The following ACTR3C variants were observed in gnomAD, a reference collection of about 807,000 sequenced individuals.
ACTR3C encodes actin-related protein 3C.
In ACTR3C, 18 loss-of-function variants were observed where a neutral mutation model predicts 26.3. The ratio of observed to expected loss-of-function variants is 0.68; its 90% CI spans 0.47 to 1.01. The LOEUF is 1.01. ACTR3C is among the 50% of genes least tolerant of loss of function. The pLI is 0.00. For synonymous variants in ACTR3C, 55 were observed against 94.5 expected (o/e 0.58, Z 2.42); for missense variants, 184 against 250.7 (o/e 0.73, Z 1.80).
the ACTR3C span, among the ~76,000 whole-genome samples, chr7:150,064,229 A>T: frequency 6.8e-6 from 1 of 147,900 alleles, no homozygotes; most frequent in Non-Finnish European, 1.5e-5. Flanking sequence ...TAAGCAAGAC[A>T]TTTGAAGCTC....
chr7:150,299,337 G>A (rs1394740921), intron 1 of ACTR3C, among the ~76,000 whole-genome samples: 3 of 151,288 alleles, frequency 2.0e-5, no homozygotes, highest in African/African-American at 7.3e-5. Context: ...TGTAGTCCCA[G>A]CTACTCAGGA....
the ACTR3C span, among the ~76,000 whole-genome samples, chr7:150,037,808 G>T: frequency 1.9e-5 from 1 of 52,498 alleles, no homozygotes; most frequent in Non-Finnish European, 5.0e-5. Context: ...GCCAGCGGGG[G>T]AAGAGGGACT....
At chr7:150,273,981 T>C (rs1370373108) in intron 6 of ACTR3C, among the ~76,000 whole-genome samples, 1 of 152,168 alleles carries the variant, frequency 6.6e-6, no homozygotes, top group African/African-American at 2.4e-5. Context: ...GCCAGGAGTG[T>C]TCTAAGCACC....
the ACTR3C span, among the ~76,000 whole-genome samples, chr7:150,017,518 A>G: frequency 6.7e-6 from 1 of 150,258 alleles, no homozygotes; most frequent in Non-Finnish European, 1.5e-5. Flanking sequence ...TAGGTAGCGC[A>G]GGTGGGCCAG....
chr7:150,271,024 C>A (rs919266281), intron 6 of ACTR3C, among the ~76,000 whole-genome samples: 2 of 151,004 alleles, frequency 1.3e-5, no homozygotes, highest in African/African-American at 4.9e-5. Context: ...CACAGCATGT[C>A]TCCCCAGGAC....
chr7:150,209,700 G>A, the ACTR3C span, among the ~76,000 whole-genome samples: 20 of 145,238 alleles, frequency 1.4e-4, no homozygotes, highest in Admixed American at 8.4e-4. Flanking sequence ...CCAACATGGT[G>A]AAACCCCACC....
At chr7:150,036,953 C>A in the ACTR3C span, among the ~76,000 whole-genome samples, 26 of 45,096 alleles carry the variant, frequency 5.8e-4, no homozygotes, top group Non-Finnish European at 8.4e-4. Context: ...AGTGGGGGAA[C>A]CAGGGGCTGG....
the ACTR3C span, among the ~76,000 whole-genome samples, chr7:150,010,366 G>A: frequency 1.3e-5 from 2 of 152,172 alleles, no homozygotes; most frequent in African/African-American, 4.8e-5. Context: ...GTCCTCAGAT[G>A]TGTAATGTTA....
the ACTR3C span, among the ~76,000 whole-genome samples, chr7:149,884,154 G>A: frequency 4.6e-5 from 7 of 152,310 alleles, no homozygotes; most frequent in East Asian, 3.9e-4. Flanking sequence ...AGTGAGAGGC[G>A]TGGCTAATCT....
At chr7:149,949,592 T>G in the ACTR3C span, among the ~76,000 whole-genome samples, 1 of 147,366 alleles carries the variant, frequency 6.8e-6, no homozygotes, top group Non-Finnish European at 1.5e-5. Flanking sequence ...GAATGAGAAC[T>G]GGGCAGGAAG....
At chr7:150,185,798 G>T in the ACTR3C span, among the ~76,000 whole-genome samples, 1 of 152,124 alleles carries the variant, frequency 6.6e-6, no homozygotes, top group Non-Finnish European at 1.5e-5. Context: ...AGTGTAAGTA[G>T]TGTGCCTGTT....
chr7:149,942,575 A>G, the ACTR3C span, among the ~76,000 whole-genome samples: 6 of 150,894 alleles, frequency 4.0e-5, no homozygotes, highest in Non-Finnish European at 7.4e-5. Flanking sequence ...TTAAGCTCGA[A>G]CATCACACAA....
chr7:150,022,320 GT>G, the ACTR3C span, among the ~76,000 whole-genome samples: 3 of 151,062 alleles, frequency 2.0e-5, no homozygotes, highest in East Asian at 1.9e-4. Context: ...GGGATTATTT[GT>G]TTTTTTCTTG....
At chr7:149,889,021 A>T in the ACTR3C span, among the ~76,000 whole-genome samples, 1 of 152,074 alleles carries the variant, frequency 6.6e-6, no homozygotes, top group African/African-American at 2.4e-5. Flanking sequence ...AAAAAAATAA[A>T]AAATAATAAA....
At chr7:149,904,446 G>A in the ACTR3C span, among the ~76,000 whole-genome samples, 3 of 150,526 alleles carry the variant, frequency 2.0e-5, no homozygotes, top group South Asian at 2.2e-4. Flanking sequence ...CAGGAGAATC[G>A]CTTGAACCCG....
chr7:150,250,221 T>TTTTTTTTTTTG (rs1832740650), intron 6 of ACTR3C, among the ~76,000 whole-genome samples: 1 of 146,524 alleles, frequency 6.8e-6, no homozygotes, highest in African/African-American at 2.7e-5. Flanking sequence ...TTTTTTTTTT[T>TTTTTTTTTTTG]GAGACGGAGT....
the ACTR3C span, among the ~76,000 whole-genome samples, chr7:150,009,817 C>T: frequency 9.8e-5 from 15 of 152,348 alleles, no homozygotes; most frequent in Non-Finnish European, 1.6e-4. Flanking sequence ...CCCTAGCCTG[C>T]GGCTAATTCT....
the ACTR3C span, among the ~76,000 whole-genome samples, chr7:150,079,153 G>C: frequency 6.6e-6 from 1 of 152,234 alleles, no homozygotes; most frequent in African/African-American, 2.4e-5. Flanking sequence ...GGGAGTGCCA[G>C]GTCACTTACG....
At chr7:150,156,210 A>G in the ACTR3C span, among the ~76,000 whole-genome samples, 2 of 152,214 alleles carry the variant, frequency 1.3e-5, no homozygotes, top group South Asian at 2.1e-4. Context: ...GCGCTGAGCA[A>G]CAGTCCAGGT....
Sources: gnomAD v4.1 joint callset for allele counts (sites outside exome capture counted in the v4.1 genomes callset) on GRCh38, gnomAD v4.1.1 for gene constraint, MANE v1.5 for transcripts, NCBI Gene and HGNC (gene_info 2026-07-23, HGNC 2026-07-21) for gene names.